CHKA: variants seen among roughly 807,000 people sequenced by gnomAD.
CHKA encodes CHETK-alpha.
In CHKA, 34 loss-of-function variants were observed where a neutral mutation model predicts 60.1. That is an observed-to-expected ratio of 0.57 (90% confidence interval 0.43 to 0.75). CHKA has a LOEUF of 0.75. Among genes scored for constraint, CHKA ranks in the 30% least tolerant of loss-of-function variants. The probability of loss-of-function intolerance (pLI) is 0.00; values close to 1 mark genes in which losing one functional copy is unlikely to be tolerated. For synonymous variants in CHKA, 217 were observed against 223.1 expected (o/e 0.97, Z 0.24); for missense variants, 563 against 561.3 (o/e 1.00, Z -0.03).
chr11:68,119,531 G>A (rs1171749849), intron 1 of CHKA, among the ~76,000 whole-genome samples: 1 of 152,180 alleles, frequency 6.6e-6, no homozygotes, highest in Non-Finnish European at 1.5e-5. Context: ...GTGCAGTGGC[G>A]TGATCTCGGC....
chr11:68,074,953 G>A (rs769644565), intron 3 of CHKA, 123 bp from the exon 4 acceptor site: 33 of 779,278 alleles, frequency 4.2e-5, no homozygotes, highest in Non-Finnish European at 7.1e-5. Flanking sequence ...GGGCACTACT[G>A]TTATCATCAT....
intron 1 of CHKA, among the ~76,000 whole-genome samples, chr11:68,113,906 G>A (rs1441837460): frequency 2.0e-5 from 3 of 151,800 alleles, no homozygotes; most frequent in African/African-American, 2.4e-5. Context: ...CAGGAGAATC[G>A]CTTGAACCCA....
chr11:68,118,979 C>A (rs898016043), intron 1 of CHKA, among the ~76,000 whole-genome samples: 1 of 152,198 alleles, frequency 6.6e-6, no homozygotes, highest in African/African-American at 2.4e-5. Context: ...CCTGGCAGTT[C>A]AGGCTTTGAA....
intron 3 of CHKA, among the ~76,000 whole-genome samples, chr11:68,079,188 C>A (rs1371072187): frequency 6.6e-6 from 1 of 152,184 alleles, no homozygotes; most frequent in African/African-American, 2.4e-5. Context: ...CTCACCTCAG[C>A]CTCCCAAAGT....
At chr11:68,094,217 C>T (rs749780532) in intron 2 of CHKA, among the ~76,000 whole-genome samples, 2 of 152,148 alleles carry the variant, frequency 1.3e-5, no homozygotes, top group South Asian at 2.1e-4. Flanking sequence ...CGTTGCAGAA[C>T]GTAAACAGTC....
At chr11:68,109,075 T>C (rs902615242) in intron 1 of CHKA, among the ~76,000 whole-genome samples, 2 of 151,324 alleles carry the variant, frequency 1.3e-5, no homozygotes, top group Non-Finnish European at 2.9e-5. Context: ...AACCTTTCCT[T>C]TTTTCTTTTC....
chr11:68,070,630 C>T (rs1856586561), intron 5 of CHKA, 94 bp downstream of exon 5: 6 of 1,377,046 alleles, frequency 4.4e-6, no homozygotes, highest in Non-Finnish European at 4.0e-6. Flanking sequence ...CTAGGAAGAC[C>T]TCTGACTACT....
In CHKA at chr11:68,097,041, A is replaced by G; in HGVS notation, c.440T>C (p.Leu147Pro). ...CACCATCTGCAAAATCGCTCCATAC[A>G]GCCGCAGGAGCACTTTCCGAGGCTC... Reference protein sequence around the residue: ...GDEPRKVLLRLYGAILQMRSC... With the variant: ...GDEPRKVLLRPYGAILQMRSC... Residue 147 changes from leucine to proline, a missense_variant, in exon 2 of 12, where the codon CTG becomes CCG. Coordinates refer to ENST00000265689, the MANE Select transcript of CHKA (RefSeq NM_001277.3). 6.2e-7 allele frequency: 1 copy of G among 1,613,188 alleles called. No homozygotes were observed. Among genetic ancestry groups the G allele is most frequent in the Non-Finnish European group, 8.5e-7 (1 of 1,179,542 alleles).
intron 1 of CHKA, among the ~76,000 whole-genome samples, chr11:68,104,843 G>A (rs965827081): frequency 2.0e-5 from 3 of 151,978 alleles, no homozygotes; most frequent in Admixed American, 1.3e-4. Flanking sequence ...AGTGGCTCAC[G>A]CCTGGAATCC....
chr11:68,080,215 C>A (rs1856935814), intron 3 of CHKA, among the ~76,000 whole-genome samples: 1 of 152,172 alleles, frequency 6.6e-6, no homozygotes, highest in African/African-American at 2.4e-5. Context: ...CCAGAGAGCA[C>A]AAGTTCTAGA....
At chr11:68,074,590 A>G in intron 4 of CHKA, 127 bp downstream of exon 4, 2 of 767,820 alleles carry the variant, frequency 2.6e-6, no homozygotes, top group East Asian at 5.0e-5. Flanking sequence ...GATTTCTGAT[A>G]CAGTTTAATG....
At chr11:68,064,420 A>G (rs77065617) in intron 10 of CHKA, 105 bp downstream of exon 10, 1 of 552,444 alleles carries the variant, frequency 1.8e-6, no homozygotes, top group Non-Finnish European at 3.1e-6. Context: ...AAAAAAAAAA[A>G]GAAGAAGAAG....
intron 10 of CHKA, among the ~76,000 whole-genome samples, chr11:68,063,895 TG>T (rs1856342325): frequency 6.6e-6 from 1 of 152,222 alleles, no homozygotes; most frequent in South Asian, 2.1e-4. Flanking sequence ...TTAAGTTTCC[TG>T]AGGCCTCCCT....
chr11:68,109,696 T>A (rs1316122593), intron 1 of CHKA, among the ~76,000 whole-genome samples: 1 of 152,214 alleles, frequency 6.6e-6, no homozygotes, highest in Non-Finnish European at 1.5e-5. Context: ...CTCGTGCCTG[T>A]AGTCCAGCAC....
intron 1 of CHKA, among the ~76,000 whole-genome samples, chr11:68,097,773 T>G (rs995667726): frequency 6.6e-6 from 1 of 152,192 alleles, no homozygotes; most frequent in Non-Finnish European, 1.5e-5. Flanking sequence ...GACTAGGAGC[T>G]TGTTCAAAAA....
intron 4 of CHKA, 123 bp downstream of exon 4, chr11:68,074,594 T>C: frequency 3.7e-6 from 3 of 802,180 alleles, no homozygotes; most frequent in African/African-American, 1.7e-5. Context: ...TCTGATACAG[T>C]TTAATGACAT....
At chr11:68,107,560 C>T (rs1293153185) in intron 1 of CHKA, among the ~76,000 whole-genome samples, 1 of 152,006 alleles carries the variant, frequency 6.6e-6, no homozygotes, top group Non-Finnish European at 1.5e-5. Flanking sequence ...AAATTCTCTC[C>T]TCCTTTCCAT....
rs538443172 is a variant in CHKA, at chr11:68,101,169, C to T, written c.351-4039G>A. Among the ~76,000 whole-genome samples, 39 of 151,902 alleles carry T rather than the reference C, an allele frequency of 2.6e-4. No individual in the cohort carries two copies. In the East Asian group the frequency reaches 6.0e-3, roughly 23 times the overall value. On this transcript the variant is annotated intron_variant, in intron 1 of 11. Transcript: ENST00000265689. ...TTCACCGTGTTAGCCAGGATGGTCT[C>T]GATCTCCTGACCTCATGATCTACCT...
intron 10 of CHKA, among the ~76,000 whole-genome samples, chr11:68,062,856 C>T (rs2134505496): frequency 6.6e-6 from 1 of 152,256 alleles, no homozygotes; most frequent in South Asian, 2.1e-4. Context: ...GGTGTGACAT[C>T]ACACTTAGTG....
Sources: gnomAD v4.1 joint callset for allele counts (sites outside exome capture counted in the v4.1 genomes callset) on GRCh38, gnomAD v4.1.1 for gene constraint, MANE v1.5 for transcripts, NCBI Gene and HGNC (gene_info 2026-07-23, HGNC 2026-07-21) for gene names.